Variants in TMEM9 observed in about 807,000 individuals in gnomAD.
TMEM9 encodes the protein transmembrane protein 9, also known as proton-transporting V-type ATPase complex assembly regulator TMEM9.
A neutral mutation model predicts 22.8 loss-of-function variants in TMEM9; 13 were observed. The ratio of observed to expected loss-of-function variants is 0.57; its 90% CI spans 0.37 to 0.91. The LOEUF (loss-of-function observed/expected upper bound fraction) is 0.91. Among genes scored for constraint, TMEM9 ranks in the 40% least tolerant of loss-of-function variants. The pLI is 0.01. For missense variants in TMEM9, 182 were observed against 238.1 expected, an observed-to-expected ratio of 0.76 and a Z score of 1.55; for synonymous variants, 88 against 93.0, an observed-to-expected ratio of 0.95 and a Z score of 0.31.
At chr1:201,142,001 G>A (rs1261832608) in intron 4 of TMEM9, among the ~76,000 whole-genome samples, 1 of 152,152 alleles carries the variant, frequency 6.6e-6, no homozygotes, top group Non-Finnish European at 1.5e-5. Flanking sequence ...ACCCCTAATC[G>A]CTGAGTGTTT....
At chr1:201,171,335 G>C (rs112237535) in intron 1 of TMEM9, among the ~76,000 whole-genome samples, 1 of 152,242 alleles carries the variant, frequency 6.6e-6, no homozygotes. Context: ...TGGGTCCCAG[G>C]CGCCGCGGCG....
chr1:201,158,433 G>C (rs554844461), upstream of TMEM9, among the ~76,000 whole-genome samples: 418 of 151,856 alleles, frequency 2.8e-3, no homozygotes, highest in African/African-American at 8.8e-3. Context: ...GCATTCTGGT[G>C]GGGGGTGGGG....
upstream of TMEM9, among the ~76,000 whole-genome samples, chr1:201,156,064 T>C (rs1317688180): frequency 6.6e-6 from 1 of 152,100 alleles, no homozygotes; most frequent in Non-Finnish European, 1.5e-5. Context: ...GGTGGGACTT[T>C]CATGGGGACA....
Position 201,151,800 on chromosome 1 carries a change from C to T in TMEM9, c.119G>A (p.Ser40Asn). The T allele has an allele frequency of 3.1e-6, 5 of 1,614,022 alleles. No homozygotes were observed. The highest frequency in any genetic ancestry group is 4.2e-6 in the Non-Finnish European group (5 of 1,180,020). The change falls in exon 2 of 5, where the codon AGT becomes AAT. Residue 40 changes from serine to asparagine, a missense_variant. Physicochemically the swap from Ser to Asn is conservative, Grantham distance 46. Coordinates refer to ENST00000367330, the MANE Select transcript of TMEM9 (RefSeq NM_001288565.2). ...KCICPPYRNISGHIYNQNVSQ... is the reference protein window; with the variant it reads ...KCICPPYRNINGHIYNQNVSQ... The stretch of plus-strand genomic sequence containing the variant: ...TACATTCTGGTTGTAAATGTGCCCA[C>T]TGATGTTTCTATAAGGTGGACAGAT...
chr1:201,150,442 TG>T (rs1304619977), intron 2 of TMEM9, among the ~76,000 whole-genome samples: 2 of 152,206 alleles, frequency 1.3e-5, no homozygotes, highest in African/African-American at 2.4e-5. Flanking sequence ...GTTACTGACC[TG>T]TGCACATACA....
rs111265564 is a variant in TMEM9, at chr1:201,146,555, A to G, written c.267+185T>C. The stretch of plus-strand genomic sequence containing the variant: ...GGTAACTACTGGAAAGAGAGCAGAG[A>G]AGGGAGCTGGCTCCAGGAAGGTGTG... On this transcript the variant is annotated intron_variant, in intron 3 of 4. Transcript: ENST00000367330. 1.7e-4 allele frequency: 119 copies of G among 697,738 alleles called. 2 individuals carry two copies. The highest frequency in any genetic ancestry group is 1.7e-3 in the African/African-American group (97 of 57,334). 43.2% of individuals were successfully genotyped at this position (697,738 alleles called of 1,614,324 possible).
chr1:201,144,135 T>G, intron 3 of TMEM9, 184 bp from the exon 4 acceptor site: 1 of 596,678 alleles, frequency 1.7e-6, no homozygotes, highest in Non-Finnish European at 2.9e-6. Flanking sequence ...AGGGCCCTAC[T>G]CCACAGAGGA....
At chr1:201,139,283 C>T (rs1175352356) in intron 4 of TMEM9, among the ~76,000 whole-genome samples, 1 of 152,228 alleles carries the variant, frequency 6.6e-6, no homozygotes, top group Non-Finnish European at 1.5e-5. Flanking sequence ...GGTCTCATCA[C>T]TTACCAGCCA....
rs1269966503 is a variant in TMEM9, at chr1:201,151,839, A to G, written c.80T>C (p.Ile27Thr). Residue 27 changes from isoleucine to threonine, a missense_variant, in exon 2 of 5, where the codon ATC becomes ACC. Coordinates refer to ENST00000367330, the MANE Select transcript of TMEM9 (RefSeq NM_001288565.2). ...PAEANKSSED[I>T]RCKCICPPYR... ...AGGTGGACAGATGCATTTGCACCGG[A>G]TATCTTCAGAACTCTGGAAAAGAAA... The G allele has an allele frequency of 6.2e-7, 1 of 1,613,488 alleles. No homozygotes were observed. The highest frequency in any genetic ancestry group is 1.1e-5 in the South Asian group (1 of 91,054).
chr1:201,142,110 C>T (rs945833594), intron 4 of TMEM9, among the ~76,000 whole-genome samples: 2 of 152,228 alleles, frequency 1.3e-5, no homozygotes, highest in Non-Finnish European at 2.9e-5. Context: ...ACCCAACTGC[C>T]AGTGCCACCA....
At chr1:201,137,007 G>A (rs930095714) in intron 4 of TMEM9, among the ~76,000 whole-genome samples, 2 of 152,236 alleles carry the variant, frequency 1.3e-5, no homozygotes, top group Admixed American at 6.5e-5. Context: ...GGCTGGGAGA[G>A]GGTTCATCAT....
In TMEM9 at chr1:201,165,150, T is replaced by TTTTA. The variant is rs1203599097; in HGVS notation, c.-37+6339_-37+6340insTAAA. ...CATTTTATCACTTTTTAAGAGAAAA[T>TTTTA]TATATATATATATATATATATATAT... On this transcript the variant is annotated intron_variant, in intron 1 of 5. Coordinates refer to the TMEM9 transcript ENST00000367333. 3.3e-3 allele frequency among the ~76,000 whole-genome samples: 288 copies of TTTTA among 87,084 alleles called. 1 individual carries two copies. Among genetic ancestry groups the TTTTA allele is most frequent in the East Asian group, 0.014 (33 of 2,324 alleles). The allele number at this position is 87,084 out of a possible 152,430, so 57.1% of individuals were successfully genotyped here. A position where few individuals can be genotyped will look rare whatever the true frequency, so the allele number is the denominator to read the frequency against.
chr1:201,138,531 T>C (rs996389108), intron 4 of TMEM9, among the ~76,000 whole-genome samples: 7 of 152,092 alleles, frequency 4.6e-5, no homozygotes, highest in African/African-American at 1.7e-4. Flanking sequence ...GGCCTCCGGT[T>C]AACTCGGGAG....
At chr1:201,148,763 A>G (rs530479140) in intron 2 of TMEM9, among the ~76,000 whole-genome samples, 9 of 152,368 alleles carry the variant, frequency 5.9e-5, no homozygotes, top group Middle Eastern at 6.8e-3. Flanking sequence ...TGTGGCATAC[A>G]TGAGTTTATC....
chr1:201,148,747 G>C (rs2102264746), intron 2 of TMEM9, among the ~76,000 whole-genome samples: 1 of 152,342 alleles, frequency 6.6e-6, no homozygotes, highest in South Asian at 2.1e-4. Flanking sequence ...CTCCCAAAAA[G>C]CCATATGTGG....
chr1:201,142,655 G>A (rs1243968677), intron 4 of TMEM9, among the ~76,000 whole-genome samples: 1 of 152,204 alleles, frequency 6.6e-6, no homozygotes, highest in Non-Finnish European at 1.5e-5. Flanking sequence ...TTATGCATAC[G>A]CATGAGTTCA....
At chr1:201,137,452 T>C (rs983267191) in intron 4 of TMEM9, among the ~76,000 whole-genome samples, 1 of 149,332 alleles carries the variant, frequency 6.7e-6, no homozygotes, top group African/African-American at 2.5e-5. Context: ...CATTAGGAAT[T>C]ATAGTTACCA....
chr1:201,153,901 G>A lies in TMEM9; in HGVS notation c.23C>T (p.Ala8Val), dbSNP rs1242551410. Residue 8 changes from alanine (A) to valine (V), a missense_variant, in exon 1 of 5, where the codon GCT (alanine) becomes GTT (valine). Transcript: ENST00000367330. MKLLSLV[A>V]VVGCLLVPPA... ...GGGCACCAGCAAACACCCGACCACA[G>A]CCACCAAAGATAAGAGCTTCATGCT... 1 of 1,613,580 alleles carries A rather than the reference G, an allele frequency of 6.2e-7. No individual in the cohort carries two copies. Among genetic ancestry groups the A allele is most frequent in the African/African-American group, 1.3e-5 (1 of 74,906 alleles).
At chr1:201,145,041 C>A (rs1255112308) in intron 3 of TMEM9, 1 of 152,264 alleles carries the variant, frequency 6.6e-6, no homozygotes, top group East Asian at 1.9e-4. Flanking sequence ...TTCCACTGGA[C>A]CAATGTCCCA....
Sources: gnomAD v4.1 joint callset for allele counts (sites outside exome capture counted in the v4.1 genomes callset) on GRCh38, gnomAD v4.1.1 for gene constraint, MANE v1.5 for transcripts, NCBI Gene and HGNC (gene_info 2026-07-23, HGNC 2026-07-21) for gene names.